LPAR1: variants seen among roughly 807,000 people sequenced by gnomAD.
LPAR1 encodes the protein LPA receptor 1.
LPAR1 carries 5 observed loss-of-function variants against 23.8 expected under a neutral mutation model. That is an observed-to-expected ratio of 0.21 (90% confidence interval 0.11 to 0.44). The LOEUF (loss-of-function observed/expected upper bound fraction) is 0.44. Ranked by LOEUF, LPAR1 falls within the 20% of genes least tolerant of loss-of-function variation. The probability of loss-of-function intolerance (pLI) is 0.99; values close to 1 mark genes in which losing one functional copy is unlikely to be tolerated. For missense variants in LPAR1, 311 were observed against 482.8 expected, an observed-to-expected ratio of 0.64 and a Z score of 3.33; for synonymous variants, 160 against 164.7, an observed-to-expected ratio of 0.97 and a Z score of 0.22.
rs530963902 is a variant in LPAR1, at chr9:110,885,218, T to A, written c.794-9496A>T. On this transcript the variant is annotated intron_variant, in intron 5 of 5. Coordinates refer to ENST00000683809, the MANE Select transcript of LPAR1 (RefSeq NM_001351411.2). Reference sequence around the variant, plus strand: ...TTGTGTTTCCTATACTATCACTGTTTCCATGTAAGATGTTGCTCTACATTC... The same window carrying A: ...TTGTGTTTCCTATACTATCACTGTTACCATGTAAGATGTTGCTCTACATTC... Among the ~76,000 whole-genome samples, 5 of 152,364 alleles carry A rather than the reference T, an allele frequency of 3.3e-5. No homozygotes were observed. In the East Asian group the frequency reaches 9.6e-4, roughly 29 times the overall value.
At chr9:110,902,810 T>G (rs1031320971) in intron 5 of LPAR1, among the ~76,000 whole-genome samples, 8 of 152,162 alleles carry the variant, frequency 5.3e-5, no homozygotes, top group African/African-American at 1.9e-4. Context: ...AGTGCCTGTC[T>G]CCAGGATATC....
intron 4 of LPAR1, among the ~76,000 whole-genome samples, chr9:110,944,601 C>G (rs2095306347): frequency 6.6e-6 from 1 of 152,056 alleles, no homozygotes; most frequent in African/African-American, 2.4e-5. Context: ...CAAAGTTAAG[C>G]AGAGATATAT....
Position 110,967,845 on chromosome 9 carries a change from C to T in LPAR1, c.45+4228G>A, listed in dbSNP as rs60876978. ...ATTGACATATAATTAGGAGGCCCAT[C>T]ATTGGCCAAAGGATCCTGGGAACCA... On this transcript the variant is annotated intron_variant, in intron 4 of 5. Transcript: ENST00000683809. 7.1e-3 allele frequency among the ~76,000 whole-genome samples: 1,080 copies of T among 152,280 alleles called. 17 individuals carry two copies. The highest frequency in any genetic ancestry group is 0.024 in the African/African-American group (1,013 of 41,548).
Position 110,910,207 on chromosome 9 carries a change from G to A in LPAR1, c.793+31214C>T, listed in dbSNP as rs151336822. Among the ~76,000 whole-genome samples, 568 of 152,114 alleles carry A rather than the reference G, an allele frequency of 3.7e-3. 2 individuals carry two copies. Among genetic ancestry groups the A allele is most frequent in the African/African-American group, 0.013 (523 of 41,502 alleles). ...TGACTCTCTTGTTAGGGGATAAAGC[G>A]GCTGGTGTGTCTTTAAGCAGAAGCC... On this transcript the variant is annotated intron_variant, in intron 5 of 5. Transcript: ENST00000683809.
chr9:110,893,866 T>C (rs2085361384), intron 5 of LPAR1, among the ~76,000 whole-genome samples: 1 of 152,142 alleles, frequency 6.6e-6, no homozygotes, highest in Non-Finnish European at 1.5e-5. Flanking sequence ...ATGATGTTCA[T>C]CTACTATGCT....
intron 2 of LPAR1, among the ~76,000 whole-genome samples, chr9:111,026,660 G>C (rs1051117129): frequency 6.6e-6 from 1 of 152,078 alleles, no homozygotes; most frequent in African/African-American, 2.4e-5. Context: ...ATTGGCTGTG[G>C]GTCTGTCATA....
chr9:110,875,482 G>A lies in LPAR1; in HGVS notation c.1034C>T (p.Ala345Val), dbSNP rs2078860868. The change falls in exon 6 of 6, where the codon GCT becomes GTT. Residue 345 changes from alanine to valine, a missense_variant. Around this residue, in one of 2 missense-constraint regions of LPAR1, gnomAD observed 250 missense variants for 427.2 expected, o/e 0.59. Coordinates refer to ENST00000683809, the MANE Select transcript of LPAR1 (RefSeq NM_001351411.2). ...TGPTEGSDRS[A>V]SSLNHTILAG... ...CAAGATGGTGTGGTTGAGGGAGGAA[G>A]CCGAGCGGTCTGAGCCTTCTGTGGG... 6.2e-7 allele frequency: 1 copy of A among 1,613,990 alleles called. No individual in the cohort carries two copies. Among genetic ancestry groups the A allele is most frequent in the African/African-American group, 1.3e-5 (1 of 74,922 alleles).
chr9:111,026,089 A>T (rs998217107), intron 2 of LPAR1, among the ~76,000 whole-genome samples: 5 of 152,298 alleles, frequency 3.3e-5, no homozygotes, highest in African/African-American at 1.2e-4. Context: ...CTTGATGGGA[A>T]TAGCATTGAA....
intron 4 of LPAR1, among the ~76,000 whole-genome samples, chr9:110,963,686 T>C (rs2096085942): frequency 6.6e-6 from 1 of 152,064 alleles, no homozygotes. Context: ...AAAAAAGAAC[T>C]TCCAGACTAA....
At chr9:110,939,733 A>T (rs974086779) in intron 5 of LPAR1, among the ~76,000 whole-genome samples, 1 of 152,246 alleles carries the variant, frequency 6.6e-6, no homozygotes, top group East Asian at 1.9e-4. Context: ...GGTCAAAATT[A>T]AAACAAGAAC....
intron 4 of LPAR1, among the ~76,000 whole-genome samples, chr9:110,969,275 A>G (rs975856300): frequency 2.0e-5 from 3 of 152,166 alleles, no homozygotes; most frequent in African/African-American, 7.2e-5. Context: ...AATGTACCAT[A>G]TACTTCTCCC....
chr9:110,892,826 AAGGCAGGCAGGC>A (rs1167070374), intron 5 of LPAR1, among the ~76,000 whole-genome samples: 1 of 65,428 alleles, frequency 1.5e-5, no homozygotes, highest in African/African-American at 8.1e-5. Flanking sequence ...GGAAGGAAGG[AAGGCAGGCAGGC>A]AGGCAGGCAG....
At chr9:111,031,454 GA>G (rs1450433420) in intron 2 of LPAR1, among the ~76,000 whole-genome samples, 1 of 145,690 alleles carries the variant, frequency 6.9e-6, no homozygotes, top group South Asian at 2.2e-4. Flanking sequence ...GAAAGAAAAA[GA>G]AAAAAAATAG....
At chr9:110,892,772 GGAAGGAAGGAAGGAAGGAA>G (rs2084749653) in intron 5 of LPAR1, among the ~76,000 whole-genome samples, 3 of 33,874 alleles carry the variant, frequency 8.9e-5, no homozygotes, top group African/African-American at 2.9e-4. Context: ...AGGAAGGGAA[GGAAGGAAGGAAGGAAGGAA>G]GGAAGGAAGG....
intron 2 of LPAR1, among the ~76,000 whole-genome samples, chr9:111,027,522 T>C (rs1377893018): frequency 6.7e-6 from 1 of 148,278 alleles, no homozygotes; most frequent in Admixed American, 6.9e-5. Context: ...ACAAGAAAAA[T>C]ATTTTGGGGA....
chr9:110,923,211 A>C (rs1379862606), intron 5 of LPAR1, among the ~76,000 whole-genome samples: 1 of 152,204 alleles, frequency 6.6e-6, no homozygotes, highest in Non-Finnish European at 1.5e-5. Flanking sequence ...CAATATGATA[A>C]TCTGATGAAA....
chr9:110,953,380 T>C (rs2095631531), intron 4 of LPAR1, among the ~76,000 whole-genome samples: 1 of 152,094 alleles, frequency 6.6e-6, no homozygotes, highest in African/African-American at 2.4e-5. Context: ...TACAGACACA[T>C]AGTCCGGGCG....
chr9:110,965,320 A>G (rs1353090543), intron 4 of LPAR1, among the ~76,000 whole-genome samples: 2 of 152,202 alleles, frequency 1.3e-5, no homozygotes, highest in East Asian at 3.9e-4. Context: ...ACTTAAAACC[A>G]AAATGGTTGT....
chr9:110,885,788 C>A (rs1252780862), intron 5 of LPAR1, among the ~76,000 whole-genome samples: 2 of 152,204 alleles, frequency 1.3e-5, no homozygotes, highest in Admixed American at 6.5e-5. Context: ...CCAGGCCGGG[C>A]GTGGTGGATC....
Sources: gnomAD v4.1 joint callset for allele counts (sites outside exome capture counted in the v4.1 genomes callset) on GRCh38, gnomAD v4.1.1 for gene constraint, gnomAD v4.1.1 regional missense constraint, MANE v1.5 for transcripts, NCBI Gene and HGNC (gene_info 2026-07-23, HGNC 2026-07-21) for gene names.